Variants in KIF6 observed in about 807,000 individuals in gnomAD.
KIF6 encodes kinesin-like protein KIF6.
KIF6 carries 106 observed loss-of-function variants against 112.7 expected under a neutral mutation model. That is an observed-to-expected ratio of 0.94 (90% CI 0.80 to 1.11). The LOEUF is 1.11. KIF6 is among the 50% of genes least tolerant of loss of function. KIF6 has a pLI of 0.00. For synonymous variants in KIF6, 339 were observed against 339.9 expected (o/e 1.00, Z 0.03); for missense variants, 929 against 964.0 (o/e 0.96, Z 0.48).
chr6:39,685,817 A>C (rs1787833707), intron 3 of KIF6, among the ~76,000 whole-genome samples: 1 of 152,234 alleles, frequency 6.6e-6, no homozygotes, highest in African/African-American at 2.4e-5. Flanking sequence ...TTGAATGGTC[A>C]TAGCCCCTCC....
intron 9 of KIF6, 48 bp from the exon 10 acceptor site, chr6:39,578,207 G>C (rs1415658391): frequency 8.2e-7 from 1 of 1,219,308 alleles, no homozygotes; most frequent in East Asian, 2.3e-5. Flanking sequence ...TCATTAAGGT[G>C]AACTTGGTGA....
In KIF6 at chr6:39,524,122, C is replaced by CTG. The variant is rs146618011; in HGVS notation, c.1645+15879_1645+15880dup. On this transcript the variant is annotated intron_variant, in intron 13 of 22. Coordinates refer to ENST00000287152, the MANE Select transcript of KIF6 (RefSeq NM_145027.6). Reference sequence around the variant, plus strand: ...TTTTATTTCCAAAGTTTGGGCAAGGCTGTGTGTGTGTGTGTGTCTGTGTGT... The same window carrying CTG: ...TTTTATTTCCAAAGTTTGGGCAAGGCTGTGTGTGTGTGTGTGTGTCTGTGTGT... Among the ~76,000 whole-genome samples the CTG allele has an allele frequency of 8.1e-3, 1,174 of 145,428 alleles. 8 individuals carry two copies. The highest frequency in any genetic ancestry group is 0.013 in the Non-Finnish European group (842 of 66,582).
chr6:39,462,672 A>C (rs1416001391), intron 13 of KIF6, among the ~76,000 whole-genome samples: 1 of 152,158 alleles, frequency 6.6e-6, no homozygotes, highest in Non-Finnish European at 1.5e-5. Context: ...TGGAAGGCTG[A>C]CGAGATATCT....
intron 16 of KIF6, among the ~76,000 whole-genome samples, chr6:39,381,149 T>A (rs1453106179): frequency 6.6e-6 from 1 of 152,168 alleles, no homozygotes; most frequent in African/African-American, 2.4e-5. Context: ...TGGGCACACA[T>A]CTACTTACAC....
chr6:39,366,240 G>C (rs1765546628), intron 16 of KIF6, among the ~76,000 whole-genome samples: 1 of 152,218 alleles, frequency 6.6e-6, no homozygotes, highest in African/African-American at 2.4e-5. Flanking sequence ...TCAGCTGGCA[G>C]ACATGATCAC....
At chr6:39,696,058 G>GT (rs1269380220) in intron 3 of KIF6, among the ~76,000 whole-genome samples, 2 of 152,196 alleles carry the variant, frequency 1.3e-5, no homozygotes, top group African/African-American at 2.4e-5. Flanking sequence ...GTTCTCACGT[G>GT]TAAGTGGGAG....
At chr6:39,668,014 G>GC (rs747439996) in intron 3 of KIF6, among the ~76,000 whole-genome samples, 2 of 152,062 alleles carry the variant, frequency 1.3e-5, no homozygotes, top group Non-Finnish European at 2.9e-5. Flanking sequence ...GTGGTACCTT[G>GC]CCCCTCTTTC....
chr6:39,555,602 C>T (rs1420653520), intron 10 of KIF6, among the ~76,000 whole-genome samples: 1 of 152,182 alleles, frequency 6.6e-6, no homozygotes, highest in African/African-American at 2.4e-5. Context: ...GCCTCCCACT[C>T]ATTTCCATTT....
At chr6:39,467,328 C>T (rs1773852723) in intron 13 of KIF6, among the ~76,000 whole-genome samples, 1 of 152,168 alleles carries the variant, frequency 6.6e-6, no homozygotes, top group Admixed American at 6.5e-5. Context: ...AGAATGGCCT[C>T]AAAGACTACC....
intron 10 of KIF6, among the ~76,000 whole-genome samples, chr6:39,576,384 A>G (rs1416044142): frequency 1.3e-5 from 2 of 152,162 alleles, no homozygotes; most frequent in African/African-American, 4.8e-5. Flanking sequence ...TCAGCCTCCC[A>G]AAGTGCTGGG....
intron 16 of KIF6, among the ~76,000 whole-genome samples, chr6:39,372,316 T>A (rs1766072719): frequency 6.6e-6 from 1 of 152,208 alleles, no homozygotes; most frequent in South Asian, 2.1e-4. Flanking sequence ...GTATCACTCA[T>A]GTCAGGCACA....
Position 39,586,415 on chromosome 6 carries a change from G to T in KIF6, c.847-11C>A. ...AAGGGCAATGATAACCTGTGGTAAAGTAGAAAGATAATGGGATTAATTTAG... is the reference window on the plus strand; with the variant it reads ...AAGGGCAATGATAACCTGTGGTAAATTAGAAAGATAATGGGATTAATTTAG... On this transcript the variant is annotated splice_polypyrimidine_tract_variant and intron_variant, in intron 7 of 22. Coordinates refer to ENST00000287152, the MANE Select transcript of KIF6 (RefSeq NM_145027.6). 1 of 1,612,312 alleles carries T rather than the reference G, an allele frequency of 6.2e-7. No individual in the cohort carries two copies. Among genetic ancestry groups the T allele is most frequent in the Non-Finnish European group, 8.5e-7 (1 of 1,178,632 alleles).
chr6:39,660,852 T>C (rs1786098641), intron 3 of KIF6, among the ~76,000 whole-genome samples: 1 of 152,234 alleles, frequency 6.6e-6, no homozygotes, highest in South Asian at 2.1e-4. Context: ...AAAGCCATTA[T>C]GGATTATTCC....
chr6:39,508,580 G>T lies in KIF6; in HGVS notation c.1645+31423C>A, dbSNP rs1362348932. On this transcript the variant is annotated intron_variant, in intron 13 of 22. Coordinates refer to ENST00000287152, the MANE Select transcript of KIF6 (RefSeq NM_145027.6). ...TTCCCTCCCGTGGCTGGCTCGGTGG[G>T]TCCCATGCCCACAGAACCTTTCTCG... Among the ~76,000 whole-genome samples, 8 of 152,030 alleles carry T rather than the reference G, an allele frequency of 5.3e-5. No homozygotes were observed. In the East Asian group the frequency reaches 1.2e-3, roughly 22 times the overall value.
In KIF6 at chr6:39,362,484, T is replaced by C. The variant is rs1765237593; in HGVS notation, c.1896A>G (p.Pro632=). The change falls in exon 17 of 23, where the codon CCA becomes CCG. Residue 632 remains proline, a synonymous_variant. Coordinates refer to ENST00000287152, the MANE Select transcript of KIF6 (RefSeq NM_145027.6). ...ATCGCAGCTTCTCCTCCTGCTGGTC[T>C]GGCATCAGAGGCACGGCCATGTTTT... ...ISENMAVPLM[P]DQQEEKLRSQ... 6.2e-7 allele frequency: 1 copy of C among 1,614,016 alleles called. No homozygotes were observed.
intron 5 of KIF6, among the ~76,000 whole-genome samples, chr6:39,632,440 G>A (rs1784406254): frequency 6.6e-6 from 1 of 152,088 alleles, no homozygotes; most frequent in Non-Finnish European, 1.5e-5. Flanking sequence ...TGCCTACTAT[G>A]TTTAGAAGGC....
At chr6:39,669,864 C>T (rs182455876) in intron 3 of KIF6, among the ~76,000 whole-genome samples, 74 of 152,336 alleles carry the variant, frequency 4.9e-4, no homozygotes, top group African/African-American at 1.6e-3. Flanking sequence ...CATACGCAGA[C>T]TTAAGGAAAC....
chr6:39,430,645 T>C (rs1178845008), intron 14 of KIF6, among the ~76,000 whole-genome samples: 2 of 152,214 alleles, frequency 1.3e-5, no homozygotes, highest in Non-Finnish European at 2.9e-5. Flanking sequence ...GCACATATTT[T>C]CTTTGACTAA....
At chr6:39,416,150 G>T (rs1335819398) in intron 15 of KIF6, among the ~76,000 whole-genome samples, 1 of 152,206 alleles carries the variant, frequency 6.6e-6, no homozygotes, top group Non-Finnish European at 1.5e-5. Flanking sequence ...GGACTAGTCT[G>T]GAGTGGGCCT....
Sources: gnomAD v4.1 joint callset for allele counts (sites outside exome capture counted in the v4.1 genomes callset) on GRCh38, gnomAD v4.1.1 for gene constraint, MANE v1.5 for transcripts, NCBI Gene and HGNC (gene_info 2026-07-23, HGNC 2026-07-21) for gene names.